Variants in FOXP1 observed in about 807,000 individuals in gnomAD.
FOXP1 encodes forkhead box P1.
A neutral mutation model predicts 98.2 loss-of-function variants in FOXP1; 15 were observed. The observed-to-expected ratio is 0.15, with a 90% CI of 0.10 to 0.24. The LOEUF (loss-of-function observed/expected upper bound fraction) is 0.24, where lower values mean the gene tolerates loss of function less well. FOXP1 is among the 10% of genes least tolerant of loss of function. The pLI is 1.00. For missense variants in FOXP1, 633 were observed against 848.5 expected (o/e 0.75, Z 3.15); for synonymous variants, 371 against 314.5 (o/e 1.18, Z -1.90).
chr3:71,186,522 C>T lies in FOXP1; in HGVS notation c.180+11680G>A, dbSNP rs191609203. The stretch of plus-strand genomic sequence containing the variant: ...GGTCAAGAGATCGAGACCATCCTGG[C>T]CAACATGGTGAAACTCCGTTTCTAC... On this transcript the variant is annotated intron_variant, in intron 6 of 20. Transcript: ENST00000649528. 1.2e-4 allele frequency among the ~76,000 whole-genome samples: 18 copies of T among 152,272 alleles called. No homozygotes were observed. In the East Asian group the frequency reaches 3.3e-3, roughly 28 times the overall value.
chr3:71,270,111 G>A (rs1308250259), intron 5 of FOXP1, among the ~76,000 whole-genome samples: 4 of 152,160 alleles, frequency 2.6e-5, no homozygotes, highest in African/African-American at 7.2e-5. Flanking sequence ...GAAACTGCTC[G>A]TGGCAGAAGC....
intron 3 of FOXP1, among the ~76,000 whole-genome samples, chr3:71,397,665 G>GA (rs1249651688): frequency 6.6e-6 from 1 of 152,136 alleles, no homozygotes; most frequent in Non-Finnish European, 1.5e-5. Context: ...ACAATAGGAG[G>GA]ACCCCATATT....
intron 6 of FOXP1, among the ~76,000 whole-genome samples, chr3:71,158,625 A>G (rs549980690): frequency 6.6e-6 from 1 of 152,190 alleles, no homozygotes; most frequent in Admixed American, 6.5e-5. Context: ...TGTAAATAAC[A>G]TAACAGAAGT....
intron 6 of FOXP1, among the ~76,000 whole-genome samples, chr3:71,178,659 G>A (rs1016165802): frequency 3.3e-4 from 50 of 151,886 alleles, no homozygotes; most frequent in African/African-American, 3.4e-4. Flanking sequence ...CGAGGCAGGC[G>A]GATCACGAGG....
At chr3:71,422,655 C>T (rs1332869654) in intron 3 of FOXP1, among the ~76,000 whole-genome samples, 4 of 152,164 alleles carry the variant, frequency 2.6e-5, no homozygotes, top group African/African-American at 9.7e-5. Flanking sequence ...AGAATAATCG[C>T]CCAAGCTGCA....
chr3:70,981,191 C>CAA lies in FOXP1; in HGVS notation c.1147-3164_1147-3163dup, dbSNP rs71104406. 9.5e-3 allele frequency among the ~76,000 whole-genome samples: 569 copies of CAA among 59,938 alleles called. 29 individuals are homozygous for CAA. The highest frequency in any genetic ancestry group is 0.032 in the East Asian group (55 of 1,736). 39.3% of individuals were successfully genotyped at this position (59,938 alleles called of 152,430 possible). ...ATCGCACCACTAGGACTCTTTCTACCAAAAAAAAAAAAAAAAAAAAAAAAA... is the reference window on the plus strand; with the variant it reads ...ATCGCACCACTAGGACTCTTTCTACCAAAAAAAAAAAAAAAAAAAAAAAAAAA... On this transcript the variant is annotated intron_variant, in intron 14 of 20. Coordinates refer to ENST00000649528, the MANE Select transcript of FOXP1 (RefSeq NM_001349338.3).
At position 71,491,164 on chromosome 3, in the gene FOXP1, C is replaced by A. The variant is rs961583109; in HGVS notation, c.-168+2262G>T. ...TCAAGTAGCTGGGAGTACAGGCACC[C>A]ACCACCACGCCCAGCTAACTTTTGT... On this transcript the variant is annotated intron_variant, in intron 3 of 20. Coordinates refer to ENST00000649528, the MANE Select transcript of FOXP1 (RefSeq NM_001349338.3). Among the ~76,000 whole-genome samples, 3 of 152,134 alleles carry A rather than the reference C, an allele frequency of 2.0e-5. No homozygotes were observed. In the East Asian group the frequency reaches 5.8e-4, roughly 29 times the overall value.
chr3:71,279,331 T>C (rs958531975), intron 5 of FOXP1, among the ~76,000 whole-genome samples: 7 of 152,212 alleles, frequency 4.6e-5, no homozygotes, highest in East Asian at 1.9e-4. Flanking sequence ...ATCTGGTAAT[T>C]TGCCCTAAAT....
chr3:71,347,964 A>G lies in FOXP1; in HGVS notation c.-73+11186T>C, dbSNP rs1161759089. On this transcript the variant is annotated intron_variant, in intron 4 of 20. Transcript: ENST00000649528. ...GCCCCGGTGGATGCCCAAAACCATG[A>G]TTAGTACTGAACCCTATACATATGA... Among the ~76,000 whole-genome samples, 5 of 152,134 alleles carry G rather than the reference A, an allele frequency of 3.3e-5. No homozygotes were observed. The South Asian group carries it at 1.0e-3, about 31-fold the overall frequency.
chr3:71,537,790 A>G (rs894322223), intron 2 of FOXP1, among the ~76,000 whole-genome samples: 1 of 152,258 alleles, frequency 6.6e-6, no homozygotes, highest in African/African-American at 2.4e-5. Flanking sequence ...CCTGTAGGCC[A>G]AATCTTTCTG....
At chr3:71,263,954 C>T (rs1229711983) in intron 5 of FOXP1, among the ~76,000 whole-genome samples, 1 of 151,190 alleles carries the variant, frequency 6.6e-6, no homozygotes, top group East Asian at 1.9e-4. Flanking sequence ...TCTCACTTTC[C>T]TGCCCAGGCT....
At chr3:71,479,366 G>C (rs1207794887) in intron 3 of FOXP1, among the ~76,000 whole-genome samples, 1 of 152,166 alleles carries the variant, frequency 6.6e-6, no homozygotes, top group Non-Finnish European at 1.5e-5. Flanking sequence ...GATGGAGATA[G>C]GTTTGTCAAA....
At chr3:71,006,194 A>G (rs1054105320) in intron 12 of FOXP1, among the ~76,000 whole-genome samples, 3 of 152,130 alleles carry the variant, frequency 2.0e-5, no homozygotes, top group African/African-American at 7.2e-5. Context: ...GTAATGCCAA[A>G]TGAGAATCTC....
At chr3:71,110,091 G>A (rs931814708) in intron 7 of FOXP1, among the ~76,000 whole-genome samples, 2 of 152,068 alleles carry the variant, frequency 1.3e-5, no homozygotes, top group African/African-American at 4.8e-5. Flanking sequence ...GAAAAACGGA[G>A]CCCTCTATAT....
chr3:71,447,471 T>G (rs181182055), intron 3 of FOXP1, among the ~76,000 whole-genome samples: 166 of 152,308 alleles, frequency 1.1e-3, no homozygotes, highest in African/African-American at 3.8e-3. Context: ...TGGAAGGAAG[T>G]AGGTCAGTGG....
intron 2 of FOXP1, among the ~76,000 whole-genome samples, chr3:71,517,331 T>C (rs1478046858): frequency 6.6e-6 from 1 of 152,200 alleles, no homozygotes; most frequent in Admixed American, 6.5e-5. Flanking sequence ...TGCTGTCTAG[T>C]CATGTGTGAC....
intron 4 of FOXP1, chr3:71,304,618 C>A (rs1415315898): frequency 1.3e-5 from 2 of 152,114 alleles, no homozygotes; most frequent in Non-Finnish European, 2.9e-5. Flanking sequence ...GACGGAGTTA[C>A]TTTGCCTCAA....
At chr3:71,148,873 T>TTA (rs548653507) in intron 6 of FOXP1, among the ~76,000 whole-genome samples, 264 of 152,196 alleles carry the variant, frequency 1.7e-3, no homozygotes, top group African/African-American at 6.0e-3. Flanking sequence ...AAAGAGAAGG[T>TTA]GGTATATCTA....
intron 7 of FOXP1, among the ~76,000 whole-genome samples, chr3:71,108,952 T>C (rs975721707): frequency 6.6e-6 from 1 of 152,242 alleles, no homozygotes; most frequent in Non-Finnish European, 1.5e-5. Flanking sequence ...ACTTAATTAA[T>C]TCAGATCATT....
Sources: allele counts gnomAD v4.1 joint callset (sites outside exome capture counted in the v4.1 genomes callset), GRCh38; gene constraint gnomAD v4.1.1; transcripts MANE v1.5; gene names NCBI Gene and HGNC (gene_info 2026-07-23, HGNC 2026-07-21).